LLPH: variants seen among roughly 807,000 people sequenced by gnomAD.
The protein encoded by LLPH is protein LLP homolog.
LLPH carries 5 observed loss-of-function variants against 13.3 expected under a neutral mutation model. That is an observed-to-expected ratio of 0.38 (90% CI 0.20 to 0.79). LLPH has a LOEUF of 0.79. Among genes scored for constraint, LLPH ranks in the 30% least tolerant of loss-of-function variants. LLPH has a pLI of 0.45. For synonymous variants in LLPH, 32 were observed against 44.2 expected (o/e 0.72, Z 1.09); for missense variants, 129 against 152.1 (o/e 0.85, Z 0.80).
At position 66,119,384 on chromosome 12, in the gene LLPH, T is replaced by A. The variant is rs921225589; in HGVS notation, c.*4456A>T. The A allele has an allele frequency of 1.3e-5, 2 of 152,114 alleles. No homozygotes were observed. The highest frequency in any genetic ancestry group is 3.9e-4 in the East Asian group (2 of 5,194). 9.4% of individuals were successfully genotyped at this position (152,114 alleles called of 1,614,324 possible). ...ACTCTTGGCATTCAACTGCGGAAAA[T>A]TTAGGGTTTTGTAAGCAGGCCCAAA... On this transcript the variant is annotated 3_prime_UTR_variant, in exon 3 of 3. Coordinates refer to ENST00000266604, the MANE Select transcript of LLPH (RefSeq NM_032338.4).
Position 66,122,669 on chromosome 12 carries a change from CGCTAAA to C in LLPH, c.*1165_*1170del, listed in dbSNP as rs2051470547. 6.6e-6 allele frequency: 1 copy of C among 152,172 alleles called. No individual in the cohort carries two copies. The highest frequency in any genetic ancestry group is 2.1e-4 in the South Asian group (1 of 4,824). 9.4% of individuals were successfully genotyped at this position (152,172 alleles called of 1,614,324 possible). On this transcript the variant is annotated 3_prime_UTR_variant, in exon 3 of 3. Transcript: ENST00000266604. ...CAGAAAACTAGTTTCAAAGAGTAGACGCTAAACAGGTTTCTTTGCTGCTGGAACCCT... is the reference window on the plus strand; with the variant it reads ...CAGAAAACTAGTTTCAAAGAGTAGACCAGGTTTCTTTGCTGCTGGAACCCT...
In LLPH at chr12:66,122,041, C is replaced by T. The variant is rs2051466921; in HGVS notation, c.*1799G>A. 2 of 152,006 alleles carry T rather than the reference C, an allele frequency of 1.3e-5. No homozygotes were observed. The highest frequency in any genetic ancestry group is 4.1e-4 in the South Asian group (2 of 4,826). The allele number at this position is 152,006 out of a possible 1,614,324, so 9.4% of individuals were successfully genotyped here. A position where few individuals can be genotyped will look rare whatever the true frequency, so the allele number is the denominator to read the frequency against. On this transcript the variant is annotated 3_prime_UTR_variant, in exon 3 of 3. Coordinates refer to ENST00000266604, the MANE Select transcript of LLPH (RefSeq NM_032338.4). ...AATGCTAGTGTTATTCATACCTACA[C>T]CAAAGGCAACAAAGATCATGAATGA...
Position 66,123,800 on chromosome 12 carries a change from G to C in LLPH, c.*40C>G. The C allele has an allele frequency of 1.2e-6, 2 of 1,601,852 alleles. No homozygotes were observed. Among genetic ancestry groups the C allele is most frequent in the Non-Finnish European group, 1.7e-6 (2 of 1,174,624 alleles). ...TATACATGTGTATACATTCTAATCC[G>C]TCATCTATCCCATGTGGCATTTTCC... is the stretch of plus-strand genomic sequence containing the variant. On this transcript the variant is annotated 3_prime_UTR_variant, in exon 3 of 3. Transcript: ENST00000266604.
At position 66,117,295 on chromosome 12, in the gene LLPH, T is replaced by C. The variant is rs1379642432; in HGVS notation, c.*6545A>G. On this transcript the variant is annotated 3_prime_UTR_variant, in exon 3 of 3. Coordinates refer to ENST00000266604, the MANE Select transcript of LLPH (RefSeq NM_032338.4). Reference sequence around the variant, plus strand: ...TATAACAACTATTTACATAGCATTTTCATTGTATTATAAGTAATCTAGAGA... The same window carrying C: ...TATAACAACTATTTACATAGCATTTCCATTGTATTATAAGTAATCTAGAGA... 6.6e-6 allele frequency: 1 copy of C among 152,258 alleles called. No homozygotes were observed. The highest frequency in any genetic ancestry group is 1.5e-5 in the Non-Finnish European group (1 of 68,044). The allele number at this position is 152,258 out of a possible 1,614,324, so 9.4% of individuals were successfully genotyped here.
At position 66,129,188 on chromosome 12, in the gene LLPH, C is replaced by T. The variant is rs139214074; in HGVS notation, c.-7-75G>A. The stretch of plus-strand genomic sequence containing the variant: ...AGAAAACAGGCAAATCCTTAGAAAA[C>T]CAGGCCAACAGGTATCTCTACAAAA... On this transcript the variant is annotated intron_variant, in intron 1 of 2. Coordinates refer to ENST00000266604, the MANE Select transcript of LLPH (RefSeq NM_032338.4). The T allele has an allele frequency of 1.7e-4, 166 of 964,220 alleles. 2 individuals are homozygous for T. The African/African-American group carries it at 2.2e-3, about 13-fold the overall frequency. 59.7% of individuals were successfully genotyped at this position (964,220 alleles called of 1,614,324 possible).
rs962921615 is a variant in LLPH at position 66,123,641 on chromosome 12, T to G, written c.*199A>C. The G allele has an allele frequency of 6.7e-6, 4 of 593,204 alleles. No homozygotes were observed. The highest frequency in any genetic ancestry group is 1.2e-5 in the Non-Finnish European group (4 of 338,508). 36.7% of individuals were successfully genotyped at this position (593,204 alleles called of 1,614,324 possible). A position where few individuals can be genotyped will look rare whatever the true frequency, so the allele number is the denominator to read the frequency against. On this transcript the variant is annotated 3_prime_UTR_variant, in exon 3 of 3. Transcript: ENST00000266604. ...AGTTAAAGTATCAGTAGAGCTTGGATGTATCAAAGAAAATATTTTATTCAA... is the reference window on the plus strand; with the variant it reads ...AGTTAAAGTATCAGTAGAGCTTGGAGGTATCAAAGAAAATATTTTATTCAA...
rs1240430911 is a variant in LLPH, at chr12:66,120,067, G to C, written c.*3773C>G. 1 of 152,070 alleles carries C rather than the reference G, an allele frequency of 6.6e-6. No individual in the cohort carries two copies. The highest frequency in any genetic ancestry group is 1.5e-5 in the Non-Finnish European group (1 of 68,038). The allele number at this position is 152,070 out of a possible 1,614,324, so 9.4% of individuals were successfully genotyped here. A position where few individuals can be genotyped will look rare whatever the true frequency, so the allele number is the denominator to read the frequency against. ...CAACTGCAGTTTGCATTTCTTCTCTGATTAGTACCTTGGGCAACTACTGAT... is the reference window on the plus strand; with the variant it reads ...CAACTGCAGTTTGCATTTCTTCTCTCATTAGTACCTTGGGCAACTACTGAT... On this transcript the variant is annotated 3_prime_UTR_variant, in exon 3 of 3. Transcript: ENST00000266604.
chr12:66,125,621 A>AG (rs1246292703), intron 2 of LLPH, among the ~76,000 whole-genome samples: 1 of 152,094 alleles, frequency 6.6e-6, no homozygotes, highest in East Asian at 1.9e-4. Flanking sequence ...GGGGATGATG[A>AG]GGAAAAAAAA....
rs927621998 is a variant in LLPH at position 66,119,480 on chromosome 12, G to A, written c.*4360C>T. ...CAGAGTGACCTTTGACCTGATGTAA[G>A]TATTTAACAGTCCCACCTCACCCCT... On this transcript the variant is annotated 3_prime_UTR_variant, in exon 3 of 3. Transcript: ENST00000266604. The A allele has an allele frequency of 6.6e-6, 1 of 152,210 alleles. No homozygotes were observed. The highest frequency in any genetic ancestry group is 1.5e-5 in the Non-Finnish European group (1 of 68,042). The allele number at this position is 152,210 out of a possible 1,614,324, so 9.4% of individuals were successfully genotyped here.
chr12:66,126,972 C>T, intron 2 of LLPH, among the ~76,000 whole-genome samples: 1 of 151,546 alleles, frequency 6.6e-6, no homozygotes, highest in East Asian at 1.9e-4. Context: ...CCAAAAAACA[C>T]TTCATTCAAT....
rs2051485378 is a variant in LLPH, at chr12:66,124,651, G to GCATAAGTC, written c.212-634_212-633insGACTTATG. Among the ~76,000 whole-genome samples the GCATAAGTC allele has an allele frequency of 5.9e-5, 9 of 152,252 alleles. No individual in the cohort carries two copies. The South Asian group carries it at 1.9e-3, about 32-fold the overall frequency. ...GGACATGCTCAGAGTCCCTCACTGG[G>GCATAAGTC]ACCTCCTTATCAGGATACACAAAGT... is the stretch of plus-strand genomic sequence containing the variant. On this transcript the variant is annotated intron_variant, in intron 2 of 2. Transcript: ENST00000266604.
In LLPH at chr12:66,120,705, A is replaced by C. The variant is rs1592522937; in HGVS notation, c.*3135T>G. 1 of 152,234 alleles carries C rather than the reference A, an allele frequency of 6.6e-6. No homozygotes were observed. The highest frequency in any genetic ancestry group is 1.5e-5 in the Non-Finnish European group (1 of 68,036). The allele number at this position is 152,234 out of a possible 1,614,324, so 9.4% of individuals were successfully genotyped here. On this transcript the variant is annotated 3_prime_UTR_variant, in exon 3 of 3. Transcript: ENST00000266604. ...TGTGGCTTTACAGCAATTCTCTGGAAAATGTCAGTCAAAAAGATGACAAAT... is the reference window on the plus strand; with the variant it reads ...TGTGGCTTTACAGCAATTCTCTGGACAATGTCAGTCAAAAAGATGACAAAT...
intron 2 of LLPH, among the ~76,000 whole-genome samples, chr12:66,124,556 TG>T (rs2136828578): frequency 6.6e-6 from 1 of 152,336 alleles, no homozygotes; most frequent in South Asian, 2.1e-4. Context: ...CCAGCTCTAC[TG>T]ATAGGAGACT....
At position 66,123,787 on chromosome 12, in the gene LLPH, T is replaced by A. The variant is rs556770296; in HGVS notation, c.*53A>T. On this transcript the variant is annotated 3_prime_UTR_variant, in exon 3 of 3. Transcript: ENST00000266604. ...GTTGAAATCAAAGTATACATGTGTA[T>A]ACATTCTAATCCGTCATCTATCCCA... 8.2e-6 allele frequency: 13 copies of A among 1,594,674 alleles called. No homozygotes were observed. In the African/African-American group the frequency reaches 9.4e-5, roughly 12 times the overall value.
chr12:66,122,396 A>G lies in LLPH; in HGVS notation c.*1444T>C, dbSNP rs2051468768. 6.6e-6 allele frequency: 1 copy of G among 152,188 alleles called. No homozygotes were observed. Among genetic ancestry groups the G allele is most frequent in the Non-Finnish European group, 1.5e-5 (1 of 68,040 alleles). The allele number at this position is 152,188 out of a possible 1,614,324, so 9.4% of individuals were successfully genotyped here. Reference sequence around the variant, plus strand: ...AGTTAACATCTTCTTCTAAACAGATACACAGCTCTCAGCCCTATGAGAGCA... The same window carrying G: ...AGTTAACATCTTCTTCTAAACAGATGCACAGCTCTCAGCCCTATGAGAGCA... On this transcript the variant is annotated 3_prime_UTR_variant, in exon 3 of 3. Transcript: ENST00000266604.
intron 2 of LLPH, among the ~76,000 whole-genome samples, chr12:66,127,060 G>A (rs377137409): frequency 4.6e-5 from 7 of 152,136 alleles, no homozygotes; most frequent in Non-Finnish European, 5.9e-5. Flanking sequence ...GCTATAATCC[G>A]AAAATGGAAA....
chr12:66,129,920 A>G (rs568341025), intron 1 of LLPH, among the ~76,000 whole-genome samples: 1 of 152,236 alleles, frequency 6.6e-6, no homozygotes, highest in East Asian at 1.9e-4. Flanking sequence ...GTGATCTTTT[A>G]AAAAAGCATT....
In LLPH at chr12:66,126,928, CA is replaced by C. The variant is rs1023536641; in HGVS notation, c.211+1967del. Among the ~76,000 whole-genome samples the C allele has an allele frequency of 7.5e-3, 945 of 126,176 alleles. 10 individuals are homozygous for C. Among genetic ancestry groups the C allele is most frequent in the African/African-American group, 0.025 (858 of 34,460 alleles). 82.8% of individuals were successfully genotyped at this position (126,176 alleles called of 152,430 possible). Reference sequence around the variant, plus strand: ...CCTGGGCAACAGTAAGACTCCATCTCAAAAAAAAAAAACAAAAAACAAACAA... The same window carrying C: ...CCTGGGCAACAGTAAGACTCCATCTCAAAAAAAAAAACAAAAAACAAACAA... On this transcript the variant is annotated intron_variant, in intron 2 of 2. Coordinates refer to ENST00000266604, the MANE Select transcript of LLPH (RefSeq NM_032338.4).
intron 2 of LLPH, among the ~76,000 whole-genome samples, chr12:66,126,265 A>T (rs1202744946): frequency 1.3e-5 from 2 of 151,508 alleles, no homozygotes; most frequent in Non-Finnish European, 2.9e-5. Context: ...TGGAGCTTGC[A>T]GTGAGCCGAG....
Sources: gnomAD v4.1 joint callset for allele counts (sites outside exome capture counted in the v4.1 genomes callset) on GRCh38, gnomAD v4.1.1 for gene constraint, MANE v1.5 for transcripts, NCBI Gene and HGNC (gene_info 2026-07-23, HGNC 2026-07-21) for gene names.